Variants in HOMER2 observed in about 807,000 individuals in gnomAD.
The protein encoded by HOMER2 is homer protein homolog 2.
HOMER2 carries 27 observed loss-of-function variants against 47.0 expected under a neutral mutation model. The ratio of observed to expected loss-of-function variants is 0.57; its 90% CI spans 0.42 to 0.79. The LOEUF (loss-of-function observed/expected upper bound fraction) is 0.79. Ranked by LOEUF, HOMER2 falls within the 30% of genes least tolerant of loss-of-function variation. The probability of loss-of-function intolerance (pLI) is 0.00; values close to 1 mark genes in which losing one functional copy is unlikely to be tolerated. For synonymous variants in HOMER2, 161 were observed against 163.8 expected (o/e 0.98, Z 0.13); for missense variants, 443 against 435.0 (o/e 1.02, Z -0.16).
intron 6 of HOMER2, among the ~76,000 whole-genome samples, chr15:82,852,985 G>A (rs1029105637): frequency 1.3e-5 from 2 of 152,238 alleles, no homozygotes; most frequent in Non-Finnish European, 2.9e-5. Flanking sequence ...TGTGTGCAGA[G>A]TGGACAGCAG....
intron 1 of HOMER2, among the ~76,000 whole-genome samples, chr15:82,898,838 C>G (rs2053023242): frequency 6.6e-6 from 1 of 152,236 alleles, no homozygotes; most frequent in Non-Finnish European, 1.5e-5. Context: ...CACACTTTTT[C>G]TGACATAAAC....
chr15:82,938,440 G>A lies in HOMER2; in HGVS notation c.5+14091C>T, dbSNP rs146731145. Among the ~76,000 whole-genome samples the A allele has an allele frequency of 3.3e-3, 500 of 152,210 alleles. 2 individuals are homozygous for A. Among genetic ancestry groups the A allele is most frequent in the African/African-American group, 0.011 (477 of 41,538 alleles). On this transcript the variant is annotated intron_variant, in intron 1 of 8. Coordinates refer to ENST00000450735, the MANE Select transcript of HOMER2 (RefSeq NM_004839.4). ...CCTCTTCTGGCCACAGCCTCAAAAT[G>A]CCTCTATACCTGCACCTTGCCTGGT... is the stretch of plus-strand genomic sequence containing the variant.
chr15:82,934,354 G>T (rs117873966), intron 1 of HOMER2, among the ~76,000 whole-genome samples: 4,592 of 151,744 alleles, frequency 0.03, 100 homozygotes, highest in Non-Finnish European at 0.047. Flanking sequence ...TCAACACCCT[G>T]GACTCAGTTC....
chr15:82,892,540 A>C (rs895563136), intron 2 of HOMER2, 145 bp downstream of exon 2: 2 of 579,244 alleles, frequency 3.5e-6, no homozygotes, highest in African/African-American at 3.8e-5. Flanking sequence ...TTCCCCATTT[A>C]CCGTAAGTTT....
At chr15:82,962,092 C>T (rs766578318) in intron 1 of HOMER2, among the ~76,000 whole-genome samples, 3 of 150,262 alleles carry the variant, frequency 2.0e-5, no homozygotes, top group Admixed American at 6.6e-5. Flanking sequence ...ATGTCCAGGC[C>T]GGGTGCGGTG....
At chr15:82,976,678 GTTTTTTTTTTT>G (rs11422973) in intron 1 of HOMER2, among the ~76,000 whole-genome samples, 18 of 125,208 alleles carry the variant, frequency 1.4e-4, no homozygotes. Context: ...TTTGTGTGTG[GTTTTTTTTTTT>G]TTTTTTTGAG....
At chr15:82,909,371 T>C (rs1463897834) in intron 1 of HOMER2, among the ~76,000 whole-genome samples, 1 of 152,214 alleles carries the variant, frequency 6.6e-6, no homozygotes, top group African/African-American at 2.4e-5. Flanking sequence ...CTGCTGTGTC[T>C]TTCCCCTGTT....
At chr15:82,967,142 G>C (rs1015366611) in intron 1 of HOMER2, among the ~76,000 whole-genome samples, 2 of 152,106 alleles carry the variant, frequency 1.3e-5, no homozygotes, top group Non-Finnish European at 2.9e-5. Flanking sequence ...AGCTACTTGG[G>C]AGGCTGAGGC....
At chr15:82,905,132 A>G (rs560463581) in intron 1 of HOMER2, among the ~76,000 whole-genome samples, 2 of 152,318 alleles carry the variant, frequency 1.3e-5, no homozygotes, top group South Asian at 4.1e-4. Flanking sequence ...CAGAACGAAG[A>G]GTGCCTTTGA....
At chr15:82,865,750 C>T (rs967115100) in intron 3 of HOMER2, among the ~76,000 whole-genome samples, 5 of 152,180 alleles carry the variant, frequency 3.3e-5, no homozygotes, top group South Asian at 2.1e-4. Flanking sequence ...AGGGACAGCT[C>T]GGGCCATGGC....
intron 3 of HOMER2, among the ~76,000 whole-genome samples, chr15:82,874,119 G>T (rs1316585142): frequency 6.6e-6 from 1 of 152,178 alleles, no homozygotes; most frequent in Non-Finnish European, 1.5e-5. Flanking sequence ...TGGAACAAGG[G>T]CCACATCTCT....
chr15:82,891,827 G>A (rs1596326600), intron 2 of HOMER2, among the ~76,000 whole-genome samples: 2 of 152,132 alleles, frequency 1.3e-5, no homozygotes, highest in Non-Finnish European at 2.9e-5. Flanking sequence ...TCTATGTTTC[G>A]CTTTATTAGC....
chr15:82,922,631 CT>C (rs939256995), intron 1 of HOMER2, among the ~76,000 whole-genome samples: 1 of 152,056 alleles, frequency 6.6e-6, no homozygotes, highest in African/African-American at 2.4e-5. Context: ...TGAAGGGAGC[CT>C]TTTTTTATGC....
chr15:82,897,898 A>G (rs905312249), intron 1 of HOMER2, among the ~76,000 whole-genome samples: 7 of 152,200 alleles, frequency 4.6e-5, no homozygotes, highest in Non-Finnish European at 1.0e-4. Context: ...CCTGAAGCAA[A>G]GGGCCCAACT....
intron 6 of HOMER2, among the ~76,000 whole-genome samples, chr15:82,853,351 C>CT (rs2051460776): frequency 6.6e-6 from 1 of 152,258 alleles, no homozygotes; most frequent in East Asian, 1.9e-4. Flanking sequence ...ATCGATCCCT[C>CT]TGGCAGGCAG....
At chr15:82,953,904 A>G (rs1199140045), upstream of HOMER2, among the ~76,000 whole-genome samples, 1 of 151,958 alleles carries the variant, frequency 6.6e-6, no homozygotes, top group Non-Finnish European at 1.5e-5. Flanking sequence ...AAATTAATTA[A>G]TTAAATACAT....
chr15:82,931,323 T>C (rs558158781), intron 1 of HOMER2, among the ~76,000 whole-genome samples: 11 of 152,282 alleles, frequency 7.2e-5, no homozygotes, highest in South Asian at 2.1e-4. Context: ...GACACTGCCA[T>C]TCTTAGTGTA....
chr15:82,852,503 A>C (rs2051429577), intron 6 of HOMER2: 1 of 399,948 alleles, frequency 2.5e-6, no homozygotes, highest in South Asian at 5.2e-5. Context: ...CAAATAAGTA[A>C]TAAAGCCTGC....
At chr15:82,889,671 G>C (rs748353874) in intron 2 of HOMER2, among the ~76,000 whole-genome samples, 2 of 152,154 alleles carry the variant, frequency 1.3e-5, no homozygotes, top group Admixed American at 1.3e-4. Flanking sequence ...GGGGCAAGCC[G>C]CGGGGGACCA....
Sources: gnomAD v4.1 joint callset for allele counts (sites outside exome capture counted in the v4.1 genomes callset) on GRCh38, gnomAD v4.1.1 for gene constraint, MANE v1.5 for transcripts, NCBI Gene and HGNC (gene_info 2026-07-23, HGNC 2026-07-21) for gene names.